Variants in CNTN4 observed in about 807,000 individuals in gnomAD.
CNTN4 encodes contactin 4.
CNTN4 carries 77 observed loss-of-function variants against 122.5 expected under a neutral mutation model. The ratio of observed to expected loss-of-function variants is 0.63; its 90% CI spans 0.52 to 0.76. The LOEUF is 0.76. CNTN4 is among the 30% of genes least tolerant of loss of function. The pLI, the probability that CNTN4 is intolerant of heterozygous loss-of-function variation, is 0.00. For missense variants in CNTN4, 1,256 were observed against 1,259.1 expected, an observed-to-expected ratio of 1.00 and a Z score of 0.04; for synonymous variants, 512 against 447.0, an observed-to-expected ratio of 1.15 and a Z score of -1.83.
At chr3:3,037,084 T>A in intron 17 of CNTN4, 95 bp from the exon 18 acceptor site, 1 of 1,383,146 alleles carries the variant, frequency 7.2e-7, no homozygotes. Flanking sequence ...ACAATAATGA[T>A]GAGGATGGAT....
intron 4 of CNTN4, among the ~76,000 whole-genome samples, chr3:2,678,955 C>A (rs1516392): frequency 0.26 from 39,279 of 152,002 alleles, 5,253 homozygotes; most frequent in South Asian, 0.36. Context: ...ACAAAGGTAC[C>A]TTTTTACATT....
chr3:2,244,953 A>G (rs1402862067), intron 2 of CNTN4, among the ~76,000 whole-genome samples: 1 of 152,102 alleles, frequency 6.6e-6, no homozygotes, highest in African/African-American at 2.4e-5. Flanking sequence ...TTAATGTTCA[A>G]TAACTATGAG....
At chr3:2,183,908 A>G (rs772684861) in intron 2 of CNTN4, among the ~76,000 whole-genome samples, 2 of 152,214 alleles carry the variant, frequency 1.3e-5, no homozygotes, top group Non-Finnish European at 2.9e-5. Flanking sequence ...TTTGGATAGG[A>G]TAACAGAGAA....
intron 4 of CNTN4, among the ~76,000 whole-genome samples, chr3:2,621,631 G>A (rs146779793): frequency 3.0e-4 from 46 of 152,040 alleles, no homozygotes; most frequent in African/African-American, 1.0e-3. Context: ...ATGTACCCCA[G>A]AACTTAAAGT....
intron 2 of CNTN4, among the ~76,000 whole-genome samples, chr3:2,202,304 C>G (rs2038136383): frequency 6.6e-6 from 1 of 152,132 alleles, no homozygotes; most frequent in African/African-American, 2.4e-5. Context: ...GCAGGATAAT[C>G]AGCTTAATGG....
intron 3 of CNTN4, among the ~76,000 whole-genome samples, chr3:2,360,265 T>G (rs1191429396): frequency 6.6e-6 from 1 of 152,162 alleles, no homozygotes; most frequent in Non-Finnish European, 1.5e-5. Context: ...CATAAATTAA[T>G]GATTAATTTT....
chr3:2,531,981 T>A (rs2077613508), intron 3 of CNTN4, among the ~76,000 whole-genome samples: 1 of 152,214 alleles, frequency 6.6e-6, no homozygotes, highest in Admixed American at 6.5e-5. Context: ...ATTACAGTGC[T>A]AAAGAATGAG....
intron 2 of CNTN4, among the ~76,000 whole-genome samples, chr3:2,159,042 A>T (rs756256861): frequency 1.3e-5 from 2 of 152,086 alleles, no homozygotes; most frequent in Non-Finnish European, 2.9e-5. Context: ...AGAGGCAGCG[A>T]GTGGGAGAAA....
At chr3:2,674,123 G>A (rs955185369) in intron 4 of CNTN4, among the ~76,000 whole-genome samples, 12 of 152,240 alleles carry the variant, frequency 7.9e-5, no homozygotes, top group South Asian at 4.1e-4. Flanking sequence ...TGTTTTAACC[G>A]CTCAGTTTTG....
intron 2 of CNTN4, among the ~76,000 whole-genome samples, chr3:2,266,521 A>G (rs1317707368): frequency 6.6e-6 from 1 of 151,958 alleles, no homozygotes; most frequent in Non-Finnish European, 1.5e-5. Context: ...TCCCCCCAAC[A>G]AGATGGAGAT....
intron 7 of CNTN4, among the ~76,000 whole-genome samples, chr3:2,826,915 G>A (rs369636691): frequency 6.6e-5 from 10 of 152,134 alleles, no homozygotes; most frequent in African/African-American, 2.2e-4. Context: ...ATTTTCAGCT[G>A]CCTCCTTAGT....
At chr3:2,113,509 T>C (rs928445708) in intron 2 of CNTN4, among the ~76,000 whole-genome samples, 2 of 152,172 alleles carry the variant, frequency 1.3e-5, no homozygotes, top group Non-Finnish European at 2.9e-5. Context: ...TTATTAAAGA[T>C]TGATAGACAT....
At chr3:2,608,771 C>CA (rs1245943474) in intron 4 of CNTN4, among the ~76,000 whole-genome samples, 1 of 152,214 alleles carries the variant, frequency 6.6e-6, no homozygotes, top group Non-Finnish European at 1.5e-5. Context: ...CAGGCATGAG[C>CA]AACTGCACTT....
chr3:2,874,679 G>C (rs1343358882), intron 8 of CNTN4, among the ~76,000 whole-genome samples: 1 of 152,204 alleles, frequency 6.6e-6, no homozygotes, highest in East Asian at 1.9e-4. Context: ...CCTTGGAGCA[G>C]TGAAGTGTAC....
intron 6 of CNTN4, among the ~76,000 whole-genome samples, chr3:2,791,007 G>GT (rs1233529594): frequency 1.6e-5 from 2 of 128,122 alleles, no homozygotes; most frequent in African/African-American, 6.5e-5. Flanking sequence ...TGTCACAAGA[G>GT]TAATTACAGT....
At chr3:2,515,974 G>C (rs557658215) in intron 3 of CNTN4, among the ~76,000 whole-genome samples, 1 of 151,988 alleles carries the variant, frequency 6.6e-6, no homozygotes, top group African/African-American at 2.4e-5. Context: ...TGGATGATAA[G>C]TGGCCATTTG....
intron 6 of CNTN4, among the ~76,000 whole-genome samples, chr3:2,783,902 G>A (rs987253914): frequency 6.6e-5 from 10 of 152,030 alleles, no homozygotes; most frequent in Non-Finnish European, 1.2e-4. Context: ...TTCTTGCTTC[G>A]TTTTCAATTT....
chr3:2,252,427 C>T (rs1474947885), intron 2 of CNTN4, among the ~76,000 whole-genome samples: 1 of 150,824 alleles, frequency 6.6e-6, no homozygotes, highest in East Asian at 2.0e-4. Context: ...TGAATTTACA[C>T]ATTGATAAAA....
Position 2,674,935 on chromosome 3 carries a change from A to C in CNTN4, c.56-61280A>C, listed in dbSNP as rs147726901. On this transcript the variant is annotated intron_variant, in intron 4 of 24. Transcript: ENST00000418658. ...AGCCTCTATTCTACTCTCTACTTTC[A>C]TATGATTAATTGCTTTAGTTTCCAC... is the stretch of plus-strand genomic sequence containing the variant. Among the ~76,000 whole-genome samples, 468 of 152,298 alleles carry C rather than the reference A, an allele frequency of 3.1e-3. 2 individuals carry two copies. The highest frequency in any genetic ancestry group is 0.011 in the African/African-American group (444 of 41,566).
Sources: gnomAD v4.1 joint callset for allele counts (sites outside exome capture counted in the v4.1 genomes callset) on GRCh38, gnomAD v4.1.1 for gene constraint, MANE v1.5 for transcripts, NCBI Gene and HGNC (gene_info 2026-07-23, HGNC 2026-07-21) for gene names.